C1QTNF3: variants seen among roughly 807,000 people sequenced by gnomAD.
C1QTNF3 encodes C1q and TNF related 3.
Under a neutral mutation model 32.6 loss-of-function variants are expected in C1QTNF3, and 26 were observed. The observed-to-expected ratio is 0.80, with a 90% confidence interval of 0.58 to 1.11. C1QTNF3 has a LOEUF of 1.11. Ranked by LOEUF, C1QTNF3 falls within the 50% of genes least tolerant of loss-of-function variation. The probability of loss-of-function intolerance (pLI) is 0.00; values close to 1 mark genes in which losing one functional copy is unlikely to be tolerated. For missense variants in C1QTNF3, 362 were observed against 398.2 expected (o/e 0.91, Z 0.77); for synonymous variants, 155 against 146.0 (o/e 1.06, Z -0.44).
the C1QTNF3 span, among the ~76,000 whole-genome samples, chr5:34,049,368 T>C: frequency 6.6e-6 from 1 of 152,188 alleles, no homozygotes; most frequent in African/African-American, 2.4e-5. Context: ...TAGGACACAG[T>C]GACCTTCCCC....
At chr5:34,079,737 T>C in the C1QTNF3 span, among the ~76,000 whole-genome samples, 5 of 151,284 alleles carry the variant, frequency 3.3e-5, no homozygotes, top group Non-Finnish European at 7.4e-5. Flanking sequence ...GTCAAAATCA[T>C]AGAAGCAGAG....
At chr5:34,029,395 C>T (rs1754556939) in intron 3 of C1QTNF3, among the ~76,000 whole-genome samples, 2 of 152,200 alleles carry the variant, frequency 1.3e-5, no homozygotes, top group Admixed American at 1.3e-4. Flanking sequence ...CTTCCTCGGC[C>T]TCCCAAAGTG....
At chr5:34,082,136 T>C in the C1QTNF3 span, among the ~76,000 whole-genome samples, 1 of 151,714 alleles carries the variant, frequency 6.6e-6, no homozygotes, top group Non-Finnish European at 1.5e-5. Context: ...AACCATTACA[T>C]TGCAATGCAA....
At chr5:34,156,258 A>G in the C1QTNF3 span, among the ~76,000 whole-genome samples, 2 of 151,886 alleles carry the variant, frequency 1.3e-5, no homozygotes, top group African/African-American at 2.4e-5. Context: ...TTTAGTAGAG[A>G]TGGGGTTTCG....
chr5:34,122,579 CAA>C, the C1QTNF3 span, among the ~76,000 whole-genome samples: 1 of 151,996 alleles, frequency 6.6e-6, no homozygotes, highest in Non-Finnish European at 1.5e-5. Context: ...GTAAAATATG[CAA>C]AGAGAAAAAT....
the C1QTNF3 span, among the ~76,000 whole-genome samples, chr5:34,135,321 G>C: frequency 7.9e-5 from 12 of 152,248 alleles, no homozygotes; most frequent in Admixed American, 7.8e-4. Flanking sequence ...CAGTTTGCCA[G>C]TATTTCATTA....
the C1QTNF3 span, among the ~76,000 whole-genome samples, chr5:34,221,403 G>A: frequency 2.0e-5 from 3 of 152,028 alleles, no homozygotes; most frequent in Non-Finnish European, 2.9e-5. Context: ...TCTGGTTGAT[G>A]TATAAGTTTA....
the C1QTNF3 span, among the ~76,000 whole-genome samples, chr5:34,127,924 T>C: frequency 6.6e-6 from 1 of 152,154 alleles, no homozygotes; most frequent in South Asian, 2.1e-4. Flanking sequence ...GCTGGCTGCA[T>C]AAATTTGCAT....
At chr5:34,230,823 C>T in the C1QTNF3 span, among the ~76,000 whole-genome samples, 2 of 131,810 alleles carry the variant, frequency 1.5e-5, no homozygotes, top group Admixed American at 1.6e-4. Flanking sequence ...AACAAAACTC[C>T]TCCATAACTA....
At chr5:34,060,221 G>C in the C1QTNF3 span, among the ~76,000 whole-genome samples, 1 of 152,190 alleles carries the variant, frequency 6.6e-6, no homozygotes, top group Non-Finnish European at 1.5e-5. Flanking sequence ...GTTGCTTAAT[G>C]ATGGGAATAT....
chr5:34,213,787 A>G, the C1QTNF3 span, among the ~76,000 whole-genome samples: 3 of 6,204 alleles, frequency 4.8e-4, no homozygotes, highest in Non-Finnish European at 1.3e-3. Flanking sequence ...GTATATATAC[A>G]TATATATATA....
the C1QTNF3 span, among the ~76,000 whole-genome samples, chr5:34,063,928 A>G: frequency 6.6e-6 from 1 of 152,200 alleles, no homozygotes; most frequent in Non-Finnish European, 1.5e-5. Flanking sequence ...GTAGGAGCGC[A>G]TGCATGGGCG....
the C1QTNF3 span, among the ~76,000 whole-genome samples, chr5:34,056,896 G>C: frequency 1.3e-5 from 2 of 151,956 alleles, no homozygotes; most frequent in Non-Finnish European, 2.9e-5. Flanking sequence ...AAAATAACAA[G>C]AAAAAAACCG....
the C1QTNF3 span, among the ~76,000 whole-genome samples, chr5:34,232,971 T>C: frequency 5.4e-4 from 3 of 5,540 alleles, 1 homozygote; most frequent in Admixed American, 0.026. Context: ...AGCAAACTAC[T>C]TTTACTGTAC....
At chr5:34,189,147 TCCACCCC>T in the C1QTNF3 span, among the ~76,000 whole-genome samples, 2 of 150,670 alleles carry the variant, frequency 1.3e-5, no homozygotes, top group African/African-American at 4.9e-5. Context: ...TCGTGATCCG[TCCACCCC>T]GACCTCCCAA....
the C1QTNF3 span, among the ~76,000 whole-genome samples, chr5:34,084,561 G>GC: frequency 6.6e-6 from 1 of 151,208 alleles, no homozygotes; most frequent in South Asian, 2.1e-4. Context: ...ATTGCATTGC[G>GC]CCCCTCTGCA....
the C1QTNF3 span, chr5:34,168,262 T>G: frequency 6.6e-6 from 1 of 151,060 alleles, no homozygotes; most frequent in African/African-American, 2.5e-5. Flanking sequence ...GGGAAATATA[T>G]ACATATGTGT....
the C1QTNF3 span, among the ~76,000 whole-genome samples, chr5:34,059,772 G>A: frequency 6.6e-6 from 1 of 152,178 alleles, no homozygotes; most frequent in Non-Finnish European, 1.5e-5. Flanking sequence ...GGTGCTGGGG[G>A]TTAGGGCTTC....
At chr5:34,231,693 G>GATAAT in the C1QTNF3 span, among the ~76,000 whole-genome samples, 1 of 152,128 alleles carries the variant, frequency 6.6e-6, no homozygotes, top group African/African-American at 2.4e-5. Context: ...GGGAAGAGTT[G>GATAAT]AGGTTTGGGA....
Sources: allele counts gnomAD v4.1 joint callset (sites outside exome capture counted in the v4.1 genomes callset), GRCh38; gene constraint gnomAD v4.1.1; transcripts MANE v1.5; gene names NCBI Gene and HGNC (gene_info 2026-07-23, HGNC 2026-07-21).